Variants in COLEC10 observed in about 807,000 individuals in gnomAD.
COLEC10 encodes collectin-10.
COLEC10 carries 22 observed loss-of-function variants against 28.4 expected under a neutral mutation model. That is an observed-to-expected ratio of 0.78 (90% confidence interval 0.55 to 1.11). The LOEUF (loss-of-function observed/expected upper bound fraction) is 1.11. Ranked by LOEUF, COLEC10 falls within the 50% of genes least tolerant of loss-of-function variation. The pLI, the probability that COLEC10 is intolerant of heterozygous loss-of-function variation, is 0.00. For missense variants in COLEC10, 361 were observed against 344.1 expected, an observed-to-expected ratio of 1.05 and a Z score of -0.39; for synonymous variants, 125 against 116.1, an observed-to-expected ratio of 1.08 and a Z score of -0.49.
chr8:118,958,235 C>A, the COLEC10 span, among the ~76,000 whole-genome samples: 2 of 152,150 alleles, frequency 1.3e-5, no homozygotes, highest in African/African-American at 2.4e-5. Flanking sequence ...TTTCTGTAGG[C>A]TCCACATGGC....
chr8:119,040,394 C>T (rs1049312733), intron 2 of COLEC10, among the ~76,000 whole-genome samples: 1 of 152,024 alleles, frequency 6.6e-6, no homozygotes, highest in Non-Finnish European at 1.5e-5. Context: ...CTCATTGGCA[C>T]ATTAAGGTGG....
rs760543405 is a variant in COLEC10, at chr8:119,070,446, GCTCT to G, written c.148+3045_148+3048del. Among the ~76,000 whole-genome samples, 194 of 80,578 alleles carry G rather than the reference GCTCT, an allele frequency of 2.4e-3. 6 individuals are homozygous for G. Among genetic ancestry groups the G allele is most frequent in the African/African-American group, 5.8e-3 (97 of 16,662 alleles). 52.9% of individuals were successfully genotyped at this position (80,578 alleles called of 152,430 possible). A position where few individuals can be genotyped will look rare whatever the true frequency, so the allele number is the denominator to read the frequency against. Reference sequence around the variant, plus strand: ...ACAGGAAAATGAAATGTTCTCCCTCGCTCTCTCTCTCTCTCTCTCTCTCTCTCTC... The same window carrying G: ...ACAGGAAAATGAAATGTTCTCCCTCGCTCTCTCTCTCTCTCTCTCTCTCTC... On this transcript the variant is annotated intron_variant, in intron 1 of 5. Transcript: ENST00000332843.
At chr8:119,097,744 T>C (rs1191937149) in intron 3 of COLEC10, among the ~76,000 whole-genome samples, 1 of 152,128 alleles carries the variant, frequency 6.6e-6, no homozygotes, top group African/African-American at 2.4e-5. Context: ...TCAAAATTTC[T>C]GAGATGCAGC....
At chr8:119,009,764 CAAG>C (rs1813871485) in intron 2 of COLEC10, among the ~76,000 whole-genome samples, 1 of 150,106 alleles carries the variant, frequency 6.7e-6, no homozygotes, top group Non-Finnish European at 1.5e-5. Flanking sequence ...GAAATCACTT[CAAG>C]AAGATTATAC....
At chr8:119,069,800 G>A (rs1815066590) in intron 1 of COLEC10, among the ~76,000 whole-genome samples, 1 of 151,052 alleles carries the variant, frequency 6.6e-6, no homozygotes, top group Non-Finnish European at 1.5e-5. Flanking sequence ...TGTTTTAAAG[G>A]TCTGCGTTAT....
rs1380852549 is a variant in COLEC10, at chr8:119,102,359, GA to G, written c.309del (p.Gly104ValfsTer39). 6.2e-6 allele frequency: 10 copies of G among 1,605,918 alleles called. No homozygotes were observed. Among genetic ancestry groups the G allele is most frequent in the Admixed American group, 3.4e-5 (2 of 59,482 alleles). ...GPIGKKGDKG[E>X]KGLLGIPGEK... ...TTGTTTTTTTTCAGGTGACAAAGGG[GA>G]AAAAGGTTTGCTTGGAATACCTGGA... On this transcript the variant is annotated frameshift_variant, in exon 4 of 6. Transcript: ENST00000332843. LOFTEE classifies it high-confidence loss of function.
At chr8:119,023,021 T>A (rs1039839682) in intron 2 of COLEC10, among the ~76,000 whole-genome samples, 12 of 152,140 alleles carry the variant, frequency 7.9e-5, no homozygotes, top group Non-Finnish European at 1.6e-4. Flanking sequence ...GAAGCAACTG[T>A]GGTAATTCCT....
chr8:119,050,454 A>G (rs1165790815), intron 2 of COLEC10, among the ~76,000 whole-genome samples: 1 of 152,208 alleles, frequency 6.6e-6, no homozygotes, highest in East Asian at 1.9e-4. Context: ...ATTTCAAGAG[A>G]ATCTTATAAA....
chr8:119,102,233 TCCCTCCC>T, intron 3 of COLEC10, 108 bp from the exon 4 acceptor site: 3 of 243,542 alleles, frequency 1.2e-5, no homozygotes, highest in South Asian at 4.4e-5. Context: ...CCTCCCTCCC[TCCCTCCC>T]TCCTTCCTTC....
chr8:118,993,347 T>C (rs1481523713), upstream of COLEC10, among the ~76,000 whole-genome samples: 1 of 151,966 alleles, frequency 6.6e-6, no homozygotes, highest in Non-Finnish European at 1.5e-5. Context: ...TGTTTGTTTG[T>C]TTATGTTTCA....
At chr8:118,957,145 T>C in the COLEC10 span, among the ~76,000 whole-genome samples, 1 of 152,298 alleles carries the variant, frequency 6.6e-6, no homozygotes, top group African/African-American at 2.4e-5. Flanking sequence ...ACCAAAAACA[T>C]ATACATTTAT....
At chr8:118,998,833 C>T (rs368149518) in intron 1 of COLEC10, among the ~76,000 whole-genome samples, 290 of 123,686 alleles carry the variant, frequency 2.3e-3, no homozygotes, top group African/African-American at 8.2e-3. Flanking sequence ...GGTGACAGAA[C>T]GAGACTCCGT....
chr8:118,985,776 A>G, the COLEC10 span, among the ~76,000 whole-genome samples: 1 of 152,162 alleles, frequency 6.6e-6, no homozygotes, highest in Non-Finnish European at 1.5e-5. Flanking sequence ...AGTCAAAAGC[A>G]TAGCTCCAAA....
At chr8:119,036,020 T>C (rs1370670246) in intron 2 of COLEC10, among the ~76,000 whole-genome samples, 3 of 152,248 alleles carry the variant, frequency 2.0e-5, no homozygotes, top group Admixed American at 6.5e-5. Flanking sequence ...CTAAGCAAAA[T>C]AGGGGTATAA....
At chr8:119,011,058 G>T (rs1200932856) in intron 2 of COLEC10, among the ~76,000 whole-genome samples, 1 of 150,782 alleles carries the variant, frequency 6.6e-6, no homozygotes, top group Non-Finnish European at 1.5e-5. Flanking sequence ...GTAGCAAAAA[G>T]ATCATCACCA....
chr8:119,029,909 C>A (rs1456414158), intron 2 of COLEC10, among the ~76,000 whole-genome samples: 1 of 152,094 alleles, frequency 6.6e-6, no homozygotes, highest in Non-Finnish European at 1.5e-5. Flanking sequence ...ATGGGTTGAC[C>A]AGGAAGCCTA....
At position 119,105,939 on chromosome 8, in the gene COLEC10, C is replaced by T. The variant is rs772425705; in HGVS notation, c.582C>T (p.Leu194=). The T allele has an allele frequency of 4.2e-5, 67 of 1,613,746 alleles. No individual in the cohort carries two copies. The highest frequency in any genetic ancestry group is 1.0e-4 in the Admixed American group (6 of 59,924). ...CCAAGGATGAAGCTGCCAACACACT[C>T]ATCGCTGACTATGTTGCCAAGAGTG... ...AMPKDEAANT[L]IADYVAKSGF... Residue 194 remains leucine (L), a synonymous_variant, in exon 6 of 6, where the codon CTC becomes CTT. Transcript: ENST00000332843.
the COLEC10 span, among the ~76,000 whole-genome samples, chr8:118,965,284 C>A: frequency 6.6e-6 from 1 of 152,128 alleles, no homozygotes; most frequent in Non-Finnish European, 1.5e-5. Flanking sequence ...AACTCAGGCT[C>A]TTTCTACCTT....
At chr8:118,976,490 G>A in the COLEC10 span, 2 of 152,128 alleles carry the variant, frequency 1.3e-5, no homozygotes. Flanking sequence ...TTATATACTT[G>A]TACTTAAAAT....
Sources: gnomAD v4.1 joint callset for allele counts (sites outside exome capture counted in the v4.1 genomes callset) on GRCh38, gnomAD v4.1.1 for gene constraint, MANE v1.5 for transcripts, NCBI Gene and HGNC (gene_info 2026-07-23, HGNC 2026-07-21) for gene names.